Variants in MCTS1 observed in about 807,000 individuals in gnomAD.
MCTS1 encodes MCTS1 re-initiation and release factor.
For synonymous variants in MCTS1, 26 were observed against 40.8 expected, an observed-to-expected ratio of 0.64 and a Z score of 1.38; for missense variants, 55 against 128.6, an observed-to-expected ratio of 0.43 and a Z score of 2.77.
intron 4 of MCTS1, among the ~76,000 whole-genome samples, chrX:120,609,609 A>G (rs1479076699): frequency 8.9e-6 from 1 of 112,160 alleles, no homozygotes; most frequent in Non-Finnish European, 1.9e-5. Context: ...CTTTTTGCCT[A>G]ATAGGTGCTC....
rs190665330 is a variant in MCTS1, at chrX:120,606,538, C to T, written c.262+362C>T. Reference sequence around the variant, plus strand: ...GAGGCTCACGCCTGTAATCCCAGCACTTTGGGAGGCCAAGGCGGGTGGATC... The same window carrying T: ...GAGGCTCACGCCTGTAATCCCAGCATTTTGGGAGGCCAAGGCGGGTGGATC... On this transcript the variant is annotated intron_variant, in intron 3 of 5. Transcript: ENST00000371317. Among the ~76,000 whole-genome samples, 519 of 112,331 alleles carry T rather than the reference C, an allele frequency of 4.6e-3. 2 individuals carry two copies. Among genetic ancestry groups the T allele is most frequent in the African/African-American group, 0.016 (484 of 30,966 alleles).
Position 120,605,400 on chromosome X carries a change from T to G in MCTS1, c.12-7T>G. 8.6e-7 allele frequency: 1 copy of G among 1,160,352 alleles called. No individual in the cohort carries two copies. The highest frequency in any genetic ancestry group is 1.1e-6 in the Non-Finnish European group (1 of 876,288). ...CCTTTTCTTTTCTTGCAAAAATTAC[T>G]TGGCAGATTTGATGAAAAAGAAAAT... On this transcript the variant is annotated splice_polypyrimidine_tract_variant and splice_region_variant and intron_variant, in intron 1 of 5. Coordinates refer to ENST00000371317, the MANE Select transcript of MCTS1 (RefSeq NM_014060.3).
chrX:120,605,790 G>T (rs1926517095), intron 2 of MCTS1, among the ~76,000 whole-genome samples: 1 of 112,558 alleles, frequency 8.9e-6, no homozygotes, highest in Non-Finnish European at 1.9e-5. Context: ...AAATGTTTTA[G>T]TTCAGAGTTG....
chrX:120,612,187 A>G lies in MCTS1; in HGVS notation c.469A>G (p.Lys157Glu). 2.5e-6 allele frequency: 3 copies of G among 1,198,789 alleles called. No individual in the cohort carries two copies. The highest frequency in any genetic ancestry group is 3.4e-6 in the Non-Finnish European group (3 of 885,246). The change falls in exon 6 of 6, where the codon AAA (lysine) becomes GAA (glutamate). Residue 157 changes from lysine to glutamate, a missense_variant. Physicochemically the swap from Lys to Glu is moderately conservative, Grantham distance 56. Transcript: ENST00000371317. ...GTGTTTTTTTTCCTTCTACAGTGAG[A>G]AAGTCAACAAAGGAATTGGCATTGA... is the stretch of plus-strand genomic sequence containing the variant. ...VMKMSAEDIE[K>E]VNKGIGIENI...
rs1926965415 is a variant in MCTS1 at position 120,619,860 on chromosome X, A to G, written c.*7596A>G. 8.9e-6 allele frequency among the ~76,000 whole-genome samples: 1 copy of G among 111,996 alleles called. No homozygotes were observed. Among genetic ancestry groups the G allele is most frequent in the Non-Finnish European group, 1.9e-5 (1 of 53,264 alleles). ...CCTGAGGTCTGATTTTCCTATTATT[A>G]GTCACTTTCAAGCCAGGTGATTTGT... On this transcript the variant is annotated 3_prime_UTR_variant, in exon 6 of 6. Coordinates refer to ENST00000371317, the MANE Select transcript of MCTS1 (RefSeq NM_014060.3).
In MCTS1 at chrX:120,611,092, T is replaced by C; in HGVS notation, c.464+14T>C. On this transcript the variant is annotated intron_variant, in intron 5 of 5. Transcript: ENST00000371317. ...TGCAGAAGACATGTAAGTCTTACTT[T>C]AGGCCCCCTTAACTTTTGATATATG... 8.3e-7 allele frequency: 1 copy of C among 1,204,345 alleles called. No individual in the cohort carries two copies. The highest frequency in any genetic ancestry group is 1.1e-6 in the Non-Finnish European group (1 of 889,491).
rs189397078 is a variant in MCTS1 at position 120,614,458 on chromosome X, A to G, written c.*2194A>G. Among the ~76,000 whole-genome samples the G allele has an allele frequency of 8.9e-6, 1 of 111,962 alleles. No individual in the cohort carries two copies. Among genetic ancestry groups the G allele is most frequent in the African/African-American group, 3.2e-5 (1 of 30,871 alleles). ...GCCCATAGAGGTGCCCTGATATTTT[A>G]TTTCCTATATCCTTTTCAAGTTCCA... On this transcript the variant is annotated 3_prime_UTR_variant, in exon 6 of 6. Coordinates refer to ENST00000371317, the MANE Select transcript of MCTS1 (RefSeq NM_014060.3).
At position 120,619,094 on chromosome X, in the gene MCTS1, T is replaced by TA. The variant is rs1926939743; in HGVS notation, c.*6834dup. ...GGAAGATGTTCTAAGCTAATGTTCT[T>TA]AAAAGTAACTTATGAATTTCTTAAA... On this transcript the variant is annotated 3_prime_UTR_variant, in exon 6 of 6. Coordinates refer to ENST00000371317, the MANE Select transcript of MCTS1 (RefSeq NM_014060.3). 8.9e-6 allele frequency among the ~76,000 whole-genome samples: 1 copy of TA among 112,489 alleles called. No individual in the cohort carries two copies. Among genetic ancestry groups the TA allele is most frequent in the African/African-American group, 3.2e-5 (1 of 31,039 alleles).
chrX:120,614,163 C>T lies in MCTS1; in HGVS notation c.*1899C>T, dbSNP rs1276229604. Reference sequence around the variant, plus strand: ...GTGGACATAGATCCAGGGTCTGACCCTCAGCTTGAGAAACCATTTCCCACT... The same window carrying T: ...GTGGACATAGATCCAGGGTCTGACCTTCAGCTTGAGAAACCATTTCCCACT... On this transcript the variant is annotated 3_prime_UTR_variant, in exon 6 of 6. Transcript: ENST00000371317. Among the ~76,000 whole-genome samples the T allele has an allele frequency of 8.9e-6, 1 of 112,025 alleles. No homozygotes were observed. The highest frequency in any genetic ancestry group is 3.2e-5 in the African/African-American group (1 of 30,857).
At chrX:120,612,112 AT>A in intron 5 of MCTS1, 70 bp from the exon 6 acceptor site, 1 of 781,728 alleles carries the variant, frequency 1.3e-6, no homozygotes, top group Non-Finnish European at 1.9e-6. Flanking sequence ...TATACTTTGA[AT>A]TATATTTATC....
rs1218498262 is a variant in MCTS1, at chrX:120,614,179, A to G, written c.*1915A>G. Among the ~76,000 whole-genome samples, 1 of 112,216 alleles carries G rather than the reference A, an allele frequency of 8.9e-6. No individual in the cohort carries two copies. The highest frequency in any genetic ancestry group is 2.8e-4 in the East Asian group (1 of 3,591). Reference sequence around the variant, plus strand: ...GGTCTGACCCTCAGCTTGAGAAACCATTTCCCACTGATGAAACTTGAGAGA... The same window carrying G: ...GGTCTGACCCTCAGCTTGAGAAACCGTTTCCCACTGATGAAACTTGAGAGA... On this transcript the variant is annotated 3_prime_UTR_variant, in exon 6 of 6. Coordinates refer to ENST00000371317, the MANE Select transcript of MCTS1 (RefSeq NM_014060.3).
At position 120,615,523 on chromosome X, in the gene MCTS1, A is replaced by G. The variant is rs1319744892; in HGVS notation, c.*3259A>G. On this transcript the variant is annotated 3_prime_UTR_variant, in exon 6 of 6. Coordinates refer to ENST00000371317, the MANE Select transcript of MCTS1 (RefSeq NM_014060.3). ...TAATCTGGGTAATGGTGACAGCCCA[A>G]TACTAATATGTAAAGCCAGTAGGAA... Among the ~76,000 whole-genome samples, 1 of 112,189 alleles carries G rather than the reference A, an allele frequency of 8.9e-6. No homozygotes were observed. Among genetic ancestry groups the G allele is most frequent in the African/African-American group, 3.2e-5 (1 of 30,908 alleles).
intron 1 of MCTS1, 116 bp from the exon 2 acceptor site, chrX:120,605,291 A>G: frequency 3.1e-6 from 2 of 645,777 alleles, no homozygotes; most frequent in Non-Finnish European, 4.6e-6. Flanking sequence ...TTATTTCATA[A>G]TTAAGTATCT....
intron 4 of MCTS1, 174 bp from the exon 5 acceptor site, chrX:120,610,837 G>C (rs1476536514): frequency 2.4e-6 from 1 of 421,554 alleles, no homozygotes; most frequent in African/African-American, 2.5e-5. Context: ...TATTTACAGT[G>C]TACCCACAGA....
At position 120,612,290 on chromosome X, in the gene MCTS1, A is replaced by C. The variant is rs762485965; in HGVS notation, c.*26A>C. On this transcript the variant is annotated 3_prime_UTR_variant, in exon 6 of 6. Coordinates refer to ENST00000371317, the MANE Select transcript of MCTS1 (RefSeq NM_014060.3). ...GCCTCAGAAGGAATGCACTTGGGCT[A>C]AATATGGATATTGTGCTGTATCTGT... 2 of 1,056,331 alleles carry C rather than the reference A, an allele frequency of 1.9e-6. No individual in the cohort carries two copies. The highest frequency in any genetic ancestry group is 3.7e-5 in the African/African-American group (2 of 54,090). The allele number at this position is 1,056,331 out of a possible 1,213,427, so 87.1% of individuals were successfully genotyped here.
Position 120,612,371 on chromosome X carries a change from T to C in MCTS1, c.*107T>C. The C allele has an allele frequency of 1.9e-6, 1 of 535,137 alleles. No individual in the cohort carries two copies. The highest frequency in any genetic ancestry group is 2.9e-6 in the Non-Finnish European group (1 of 339,046). 44.1% of individuals were successfully genotyped at this position (535,137 alleles called of 1,213,427 possible). A position where few individuals can be genotyped will look rare whatever the true frequency, so the allele number is the denominator to read the frequency against. On this transcript the variant is annotated 3_prime_UTR_variant, in exon 6 of 6. Coordinates refer to ENST00000371317, the MANE Select transcript of MCTS1 (RefSeq NM_014060.3). ...AATGCCTGTGGTTATGCTGAATAAATTCACCAGATGCTAAAATTCTGTTAG... is the reference window on the plus strand; with the variant it reads ...AATGCCTGTGGTTATGCTGAATAAACTCACCAGATGCTAAAATTCTGTTAG...
rs1335221543 is a variant in MCTS1, at chrX:120,612,675, GTGTGTGTGTGTA to G, written c.*423_*434del. Among the ~76,000 whole-genome samples, 3 of 69,615 alleles carry G rather than the reference GTGTGTGTGTGTA, an allele frequency of 4.3e-5. No individual in the cohort carries two copies. The highest frequency in any genetic ancestry group is 1.4e-4 in the African/African-American group (2 of 14,002). 60.5% of individuals were successfully genotyped at this position (69,615 alleles called of 115,157 possible). A position where few individuals can be genotyped will look rare whatever the true frequency, so the allele number is the denominator to read the frequency against. On this transcript the variant is annotated 3_prime_UTR_variant, in exon 6 of 6. Coordinates refer to ENST00000371317, the MANE Select transcript of MCTS1 (RefSeq NM_014060.3). ...TGCTCATTCTCGTGTGTGTGTGTGT[GTGTGTGTGTGTA>G]TGTGTGTGTGTGTGTGTGTGTGTGT...
At chrX:120,612,044 A>G in intron 5 of MCTS1, 139 bp from the exon 6 acceptor site, 1 of 484,764 alleles carries the variant, frequency 2.1e-6, no homozygotes, top group Non-Finnish European at 3.5e-6. Flanking sequence ...ATAAACAACA[A>G]TGTAATTGTG....
intron 4 of MCTS1, among the ~76,000 whole-genome samples, chrX:120,609,632 C>T (rs1386126607): frequency 8.9e-6 from 1 of 112,155 alleles, no homozygotes; most frequent in Non-Finnish European, 1.9e-5. Flanking sequence ...ATATTTGGAA[C>T]ACTGAGTGAA....
Sources: gnomAD v4.1 joint callset for allele counts (sites outside exome capture counted in the v4.1 genomes callset) on GRCh38, gnomAD v4.1.1 for gene constraint, MANE v1.5 for transcripts, NCBI Gene and HGNC (gene_info 2026-07-23, HGNC 2026-07-21) for gene names.